Variants in IL18R1 observed in about 807,000 individuals in gnomAD.
The protein encoded by IL18R1 is interleukin-18 receptor 1.
IL18R1 carries 40 observed loss-of-function variants against 48.5 expected under a neutral mutation model. That is an observed-to-expected ratio of 0.82 (90% confidence interval 0.64 to 1.07). The LOEUF is 1.07. Among genes scored for constraint, IL18R1 ranks in the 50% least tolerant of loss-of-function variants. The pLI is 0.00. For synonymous variants in IL18R1, 232 were observed against 225.9 expected (o/e 1.03, Z -0.24); for missense variants, 596 against 633.7 (o/e 0.94, Z 0.64).
chr2:102,386,956 G>T lies in IL18R1; in HGVS notation c.905G>T (p.Ser302Ile). The change falls in exon 8 of 11, where the codon AGC (serine) becomes ATC (isoleucine). Residue 302 changes from serine (S) to isoleucine (I), a missense_variant. By Grantham distance (142) the Ser-to-Ile change is moderately radical (BLOSUM62 -2). Coordinates refer to ENST00000233957, the MANE Select transcript of IL18R1 (RefSeq NM_003855.5). ...LNVLYNCTVA[S>I]TGGTDTKSFI... Reference sequence around the variant, plus strand: ...GTTTTATATAATTGCACTGTGGCCAGCACGGGAGGCACAGACACCAAAAGC... The same window carrying T: ...GTTTTATATAATTGCACTGTGGCCATCACGGGAGGCACAGACACCAAAAGC... The T allele has an allele frequency of 6.2e-7, 1 of 1,613,824 alleles. No individual in the cohort carries two copies. Among genetic ancestry groups the T allele is most frequent in the Non-Finnish European group, 8.5e-7 (1 of 1,179,784 alleles).
chr2:102,369,095 C>T (rs1679086489), intron 3 of IL18R1, among the ~76,000 whole-genome samples: 1 of 152,024 alleles, frequency 6.6e-6, no homozygotes, highest in Non-Finnish European at 1.5e-5. Flanking sequence ...GTGATAATTA[C>T]AGAAATGGGT....
At chr2:102,369,393 G>A (rs1358846087) in intron 3 of IL18R1, among the ~76,000 whole-genome samples, 2 of 152,224 alleles carry the variant, frequency 1.3e-5, no homozygotes, top group East Asian at 3.8e-4. Flanking sequence ...AGCAACAATG[G>A]AAGCAAGAGA....
At chr2:102,385,168 G>T (rs181578441) in intron 7 of IL18R1, among the ~76,000 whole-genome samples, 170 bp downstream of exon 7, 1 of 152,090 alleles carries the variant, frequency 6.6e-6, no homozygotes, top group Non-Finnish European at 1.5e-5. Flanking sequence ...CTAGGTGGAC[G>T]CATTATGCAG....
chr2:102,394,767 C>A, intron 10 of IL18R1, 140 bp downstream of exon 10: 5 of 568,450 alleles, frequency 8.8e-6, no homozygotes, highest in Non-Finnish European at 1.5e-5. Context: ...CCACGTAAGT[C>A]AACAATCGAT....
At chr2:102,361,241 A>T (rs1176758242) in intron 1 of IL18R1, among the ~76,000 whole-genome samples, 1 of 152,174 alleles carries the variant, frequency 6.6e-6, no homozygotes, top group East Asian at 1.9e-4. Context: ...ATGTGTGTGG[A>T]GGTAGTGGGG....
intron 1 of IL18R1, among the ~76,000 whole-genome samples, chr2:102,361,825 C>A (rs1678591676): frequency 6.6e-6 from 1 of 152,166 alleles, no homozygotes; most frequent in Non-Finnish European, 1.5e-5. Flanking sequence ...CTCCACTGGG[C>A]TCAAAGTTGT....
chr2:102,378,592 T>G (rs1217454998), intron 5 of IL18R1, among the ~76,000 whole-genome samples: 3 of 152,242 alleles, frequency 2.0e-5, no homozygotes, highest in African/African-American at 7.2e-5. Context: ...GCCTCTTGTT[T>G]GTATTTCTGA....
chr2:102,388,526 C>G (rs1680375149), intron 8 of IL18R1, among the ~76,000 whole-genome samples: 1 of 152,182 alleles, frequency 6.6e-6, no homozygotes, highest in African/African-American at 2.4e-5. Flanking sequence ...TGGACCATCA[C>G]CTGGCCAGGC....
chr2:102,373,982 T>G (rs1391414064), intron 4 of IL18R1: 1 of 446,844 alleles, frequency 2.2e-6, no homozygotes, highest in African/African-American at 2.0e-5. Context: ...GCTCCACTGA[T>G]TCTACATTAT....
At chr2:102,378,840 G>A (rs1240879123) in intron 5 of IL18R1, among the ~76,000 whole-genome samples, 1 of 152,142 alleles carries the variant, frequency 6.6e-6, no homozygotes, top group Non-Finnish European at 1.5e-5. Context: ...TTTTTCTTTG[G>A]ATTTGGCAAA....
At chr2:102,380,343 C>T (rs1436225030) in intron 5 of IL18R1, among the ~76,000 whole-genome samples, 2 of 152,176 alleles carry the variant, frequency 1.3e-5, no homozygotes, top group African/African-American at 4.8e-5. Context: ...CTTCTCAAGT[C>T]TCCCATGTAA....
intron 6 of IL18R1, among the ~76,000 whole-genome samples, chr2:102,381,960 C>T (rs1432881421): frequency 6.6e-6 from 1 of 152,120 alleles, no homozygotes; most frequent in Non-Finnish European, 1.5e-5. Flanking sequence ...CTTTAACTCT[C>T]TCTATGGTCA....
intron 9 of IL18R1, among the ~76,000 whole-genome samples, chr2:102,393,636 C>A (rs1680663983): frequency 6.6e-6 from 1 of 152,150 alleles, no homozygotes; most frequent in Non-Finnish European, 1.5e-5. Context: ...AACTCAGTAG[C>A]AAATTCATTA....
At chr2:102,391,657 A>T (rs1270187043) in intron 9 of IL18R1, among the ~76,000 whole-genome samples, 4 of 152,226 alleles carry the variant, frequency 2.6e-5, no homozygotes, top group Non-Finnish European at 2.9e-5. Context: ...ATTTTGCTAG[A>T]TACTGTCAAT....
chr2:102,390,827 G>A (rs1417206155), intron 9 of IL18R1, among the ~76,000 whole-genome samples: 1 of 151,568 alleles, frequency 6.6e-6, no homozygotes, highest in Non-Finnish European at 1.5e-5. Context: ...CAGCTACTCG[G>A]GAGGCTGAGG....
At position 102,397,289 on chromosome 2, in the gene IL18R1, A is replaced by G. The variant is rs184998235; in HGVS notation, c.*403A>G. On this transcript the variant is annotated 3_prime_UTR_variant, in exon 11 of 11. Transcript: ENST00000233957. ...ATGAGGGGATTTTAAGTGTCTGAAG[A>G]GGCATTTTCTAGGGACCAGTGGGTG... 282 of 164,212 alleles carry G rather than the reference A, an allele frequency of 1.7e-3. No homozygotes were observed. Among genetic ancestry groups the G allele is most frequent in the African/African-American group, 6.6e-3 (276 of 41,800 alleles). The allele number at this position is 164,212 out of a possible 1,614,324, so 10.2% of individuals were successfully genotyped here.
chr2:102,377,400 C>T (rs952226708), intron 5 of IL18R1, among the ~76,000 whole-genome samples: 6 of 152,168 alleles, frequency 3.9e-5, no homozygotes, highest in Non-Finnish European at 7.3e-5. Flanking sequence ...CTGCAAGCTC[C>T]GCCTCCTGGG....
In IL18R1 at chr2:102,369,472, G is replaced by A. The variant is rs61116096; in HGVS notation, c.302+1404G>A. On this transcript the variant is annotated intron_variant, in intron 3 of 10. Transcript: ENST00000233957. The stretch of plus-strand genomic sequence containing the variant: ...AGATAGGAGATGCTAAGAAAAATGA[G>A]GTGTCCCAGAGTGGATATTGGAGAC... Among the ~76,000 whole-genome samples the A allele has an allele frequency of 7.3e-3, 1,104 of 152,270 alleles. 11 individuals carry two copies. Among genetic ancestry groups the A allele is most frequent in the African/African-American group, 0.024 (993 of 41,562 alleles).
Position 102,397,100 on chromosome 2 carries a change from A to C in IL18R1, c.*214A>C. 2.1e-6 allele frequency: 1 copy of C among 485,728 alleles called. No individual in the cohort carries two copies. The highest frequency in any genetic ancestry group is 3.6e-6 in the Non-Finnish European group (1 of 277,716). 30.1% of individuals were successfully genotyped at this position (485,728 alleles called of 1,614,324 possible). On this transcript the variant is annotated 3_prime_UTR_variant, in exon 11 of 11. Transcript: ENST00000233957. ...CGTGCTCCCAGAAGACCTGGAATTC[A>C]AAAGAAATGGAGCTATTCTTTTTCT...
Sources: allele counts gnomAD v4.1 joint callset (sites outside exome capture counted in the v4.1 genomes callset), GRCh38; gene constraint gnomAD v4.1.1; transcripts MANE v1.5; gene names NCBI Gene and HGNC (gene_info 2026-07-23, HGNC 2026-07-21).